ANKRD26: variants seen among roughly 807,000 people sequenced by gnomAD.
The protein encoded by ANKRD26 is ankyrin repeat domain 26, also known as ankyrin repeat domain-containing protein 26.
A neutral mutation model predicts 208.7 loss-of-function variants in ANKRD26; 141 were observed. The ratio of observed to expected loss-of-function variants is 0.68; its 90% CI spans 0.59 to 0.78. The LOEUF (loss-of-function observed/expected upper bound fraction) is 0.78, where lower values mean the gene tolerates loss of function less well. ANKRD26 is among the 30% of genes least tolerant of loss of function. ANKRD26 has a pLI of 0.00. For synonymous variants in ANKRD26, 636 were observed against 660.4 expected (o/e 0.96, Z 0.57); for missense variants, 1,889 against 1,938.7 (o/e 0.97, Z 0.48).
chr10:26,968,969 T>A (rs2052107115), downstream of ANKRD26, among the ~76,000 whole-genome samples: 1 of 152,200 alleles, frequency 6.6e-6, no homozygotes, highest in Non-Finnish European at 1.5e-5. Context: ...GAAGTTAATT[T>A]CAAAAGACAT....
chr10:26,982,411 T>A (rs2052321842), intron 4 of ANKRD26, among the ~76,000 whole-genome samples: 1 of 151,974 alleles, frequency 6.6e-6, no homozygotes, highest in Non-Finnish European at 1.5e-5. Flanking sequence ...CCTTTCATAT[T>A]CCCCCAGCTT....
intron 5 of ANKRD26, among the ~76,000 whole-genome samples, 199 bp downstream of exon 5, chr10:27,086,340 C>T (rs138424641): frequency 6.6e-6 from 1 of 151,988 alleles, no homozygotes; most frequent in Non-Finnish European, 1.5e-5. Context: ...TCAGATAGTA[C>T]CATTTGGCAT....
At position 27,093,762 on chromosome 10, in the gene ANKRD26, C is replaced by T; in HGVS notation, c.280G>A (p.Glu94Lys). ...LHLACANGHP[E>K]VVTLLVDRKC... ...CTGTCCACCAGGAGAGTTACTACTT[C>T]TGGATGACCATTGGCACAGGCCAAA... Residue 94 changes from glutamate (E) to lysine (K), a missense_variant, in exon 2 of 34, where the codon GAA becomes AAA. Glu to Lys is a moderately conservative substitution (Grantham distance 56). This residue lies in a region of ANKRD26 where 1,272 missense variants were observed against 1,273.8 expected (regional missense o/e 1.00). Coordinates refer to ENST00000376087, the MANE Select transcript of ANKRD26 (RefSeq NM_014915.3). The T allele has an allele frequency of 6.2e-7, 1 of 1,614,240 alleles. No homozygotes were observed.
intron 33 of ANKRD26, 134 bp downstream of exon 33, chr10:27,006,783 A>ATG: frequency 2.9e-6 from 2 of 694,886 alleles, no homozygotes; most frequent in Non-Finnish European, 5.1e-6. Context: ...CTTTCATTAG[A>ATG]TGTGTGTAAG....
At chr10:27,029,848 T>C in intron 25 of ANKRD26, among the ~76,000 whole-genome samples, 1 of 152,014 alleles carries the variant, frequency 6.6e-6, no homozygotes, top group East Asian at 1.9e-4. Context: ...TTCATGAAAC[T>C]GAGAGGCCGT....
chr10:27,051,454 G>A (rs1003235568), intron 16 of ANKRD26: 5 of 1,069,250 alleles, frequency 4.7e-6, no homozygotes, highest in East Asian at 8.2e-5. Context: ...GTGGTATTTC[G>A]GTTCATATTT....
At chr10:27,074,245 C>T (rs1302672858) in intron 9 of ANKRD26, among the ~76,000 whole-genome samples, 2 of 152,060 alleles carry the variant, frequency 1.3e-5, no homozygotes, top group Non-Finnish European at 2.9e-5. Context: ...CAAGAATATA[C>T]AAGGGCAAGG....
chr10:26,998,906 A>G (rs79890056), intron 4 of ANKRD26, among the ~76,000 whole-genome samples: 3,062 of 152,292 alleles, frequency 0.02, 149 homozygotes, highest in East Asian at 0.15. Flanking sequence ...AGGAGGGAAC[A>G]GATCTGGTCC....
chr10:27,082,863 A>C (rs1322557306), intron 5 of ANKRD26, 30 bp from the exon 6 acceptor site: 1 of 1,573,698 alleles, frequency 6.4e-7, no homozygotes. Context: ...AACACACTTT[A>C]AATCAACAAT....
chr10:27,010,140 T>C (rs1261402632), intron 32 of ANKRD26, among the ~76,000 whole-genome samples: 5 of 152,220 alleles, frequency 3.3e-5, no homozygotes, highest in African/African-American at 1.2e-4. Context: ...TTAAAAGTTC[T>C]ATTCTTTCAA....
the ANKRD26 span, among the ~76,000 whole-genome samples, chr10:26,968,319 G>A: frequency 6.6e-6 from 1 of 151,964 alleles, no homozygotes; most frequent in Admixed American, 6.6e-5. Context: ...GTCACTTCTG[G>A]GCATCCTTTA....
At chr10:27,075,799 A>G (rs1477791103) in intron 9 of ANKRD26, among the ~76,000 whole-genome samples, 1 of 152,180 alleles carries the variant, frequency 6.6e-6, no homozygotes, top group Non-Finnish European at 1.5e-5. Context: ...CAGAATATAC[A>G]TGCTTTTAAT....
chr10:27,044,814 A>ATAGC (rs1281126647), intron 18 of ANKRD26, among the ~76,000 whole-genome samples: 1 of 152,240 alleles, frequency 6.6e-6, no homozygotes, highest in Non-Finnish European at 1.5e-5. Flanking sequence ...CCAAGCACAT[A>ATAGC]TAGCTGGTCA....
At chr10:27,090,459 G>A (rs1390518446) in intron 4 of ANKRD26, among the ~76,000 whole-genome samples, 1 of 152,154 alleles carries the variant, frequency 6.6e-6, no homozygotes, top group Non-Finnish European at 1.5e-5. Flanking sequence ...AAGGTTATGT[G>A]CACAGATAAT....
At chr10:26,995,069 T>C (rs1354959856) in exon 5 of ANKRD26, 4 of 471,168 alleles carry the variant, frequency 8.5e-6, no homozygotes, top group Non-Finnish European at 1.8e-5. Context: ...TCCAGTGGCA[T>C]CTATTGCAGG....
intron 15 of ANKRD26, among the ~76,000 whole-genome samples, chr10:27,054,067 C>T (rs939488254): frequency 5.9e-5 from 9 of 152,112 alleles, no homozygotes; most frequent in African/African-American, 2.2e-4. Context: ...GCTATCTTCC[C>T]CCAGATAAAC....
At position 27,013,096 on chromosome 10, in the gene ANKRD26, A is replaced by G; in HGVS notation, c.4739T>C (p.Leu1580Pro). The G allele has an allele frequency of 6.2e-7, 1 of 1,613,852 alleles. No individual in the cohort carries two copies. The highest frequency in any genetic ancestry group is 8.5e-7 in the Non-Finnish European group (1 of 1,179,862). The change falls in exon 32 of 34, where the codon CTA becomes CCA. Residue 1580 changes from leucine to proline, a missense_variant. Leu to Pro is a moderately conservative substitution (Grantham distance 98). Around this residue, in one of 3 missense-constraint regions of ANKRD26, gnomAD observed 613 missense variants for 648.2 expected, o/e 0.95. Transcript: ENST00000376087. ...AAGAAGTTTGGTGTTGACCTCTGCT[A>G]GCCTCTCATTAGTTCTGTGAAGATT... ...SSKLTKTNER[L>P]AEVNTKLLVE...
At chr10:26,978,877 G>A (rs2052265073) in intron 5 of ANKRD26, among the ~76,000 whole-genome samples, 1 of 152,116 alleles carries the variant, frequency 6.6e-6, no homozygotes, top group Non-Finnish European at 1.5e-5. Context: ...AGGCCTTAGG[G>A]ATATAAACTG....
chr10:26,972,050 A>T (rs1035446195), downstream of ANKRD26, among the ~76,000 whole-genome samples: 1 of 152,078 alleles, frequency 6.6e-6, no homozygotes, highest in South Asian at 2.1e-4. Flanking sequence ...CCTGGCTAAC[A>T]CGGTGAAACC....
Sources: gnomAD v4.1 joint callset for allele counts (sites outside exome capture counted in the v4.1 genomes callset) on GRCh38, gnomAD v4.1.1 for gene constraint, gnomAD v4.1.1 regional missense constraint, MANE v1.5 for transcripts, NCBI Gene and HGNC (gene_info 2026-07-23, HGNC 2026-07-21) for gene names.